RASEF: variants seen among roughly 807,000 people sequenced by gnomAD.
RASEF encodes the protein ras and EF-hand domain-containing protein.
A neutral mutation model predicts 90.1 loss-of-function variants in RASEF; 68 were observed. That is an observed-to-expected ratio of 0.75 (90% confidence interval 0.62 to 0.92). RASEF has a LOEUF of 0.92. Among genes scored for constraint, RASEF ranks in the 40% least tolerant of loss-of-function variants. The pLI is 0.00. For missense variants in RASEF, 949 were observed against 937.2 expected, an observed-to-expected ratio of 1.01 and a Z score of -0.16; for synonymous variants, 331 against 345.2, an observed-to-expected ratio of 0.96 and a Z score of 0.46.
chr9:83,192,752 AG>A, the RASEF span, among the ~76,000 whole-genome samples: 2 of 149,220 alleles, frequency 1.3e-5, no homozygotes, highest in Admixed American at 6.6e-5. Flanking sequence ...TACCTTCACC[AG>A]AAAAAAAAAA....
chr9:83,044,672 C>T lies in RASEF; in HGVS notation c.431+17765G>A, dbSNP rs1029449970. 9.9e-5 allele frequency among the ~76,000 whole-genome samples: 15 copies of T among 152,252 alleles called. 1 individual carries two copies. The highest frequency in any genetic ancestry group is 5.8e-4 in the East Asian group (3 of 5,180). On this transcript the variant is annotated intron_variant, in intron 1 of 16. Coordinates refer to ENST00000376447, the MANE Select transcript of RASEF (RefSeq NM_152573.4). Reference sequence around the variant, plus strand: ...CTTACAAGCTAGAAGCATTCAAAAACGCTCTGTGATCTCAAAACTGAGAAT... The same window carrying T: ...CTTACAAGCTAGAAGCATTCAAAAATGCTCTGTGATCTCAAAACTGAGAAT...
Position 82,982,480 on chromosome 9 carries a change from G to T in RASEF, c.*197C>A. The stretch of plus-strand genomic sequence containing the variant: ...CATGACTAGTCTATTTAGCCAGAGG[G>T]CCCAAATCACTCACTGAGACAAAAC... On this transcript the variant is annotated 3_prime_UTR_variant, in exon 17 of 17. Coordinates refer to ENST00000376447, the MANE Select transcript of RASEF (RefSeq NM_152573.4). The T allele has an allele frequency of 2.0e-6, 1 of 505,338 alleles. No homozygotes were observed. The highest frequency in any genetic ancestry group is 2.5e-5 in the South Asian group (1 of 39,776). 31.3% of individuals were successfully genotyped at this position (505,338 alleles called of 1,614,324 possible). A position where few individuals can be genotyped will look rare whatever the true frequency, so the allele number is the denominator to read the frequency against.
the RASEF span, among the ~76,000 whole-genome samples, chr9:83,139,414 C>A: frequency 6.6e-6 from 1 of 152,114 alleles, no homozygotes; most frequent in South Asian, 2.1e-4. Context: ...TGAGCAGAAG[C>A]CTTACTGATA....
At chr9:83,153,373 A>G in the RASEF span, among the ~76,000 whole-genome samples, 1 of 152,192 alleles carries the variant, frequency 6.6e-6, no homozygotes, top group South Asian at 2.1e-4. Flanking sequence ...GTTACTGCTT[A>G]TATGAAATTT....
chr9:82,989,209 T>C (rs915410519), intron 16 of RASEF, among the ~76,000 whole-genome samples: 1 of 146,912 alleles, frequency 6.8e-6, no homozygotes, highest in African/African-American at 2.5e-5. Context: ...TATATATGTA[T>C]ATGTATGTGT....
chr9:83,017,405 C>A (rs2118536107), intron 3 of RASEF, among the ~76,000 whole-genome samples: 1 of 151,224 alleles, frequency 6.6e-6, no homozygotes, highest in Admixed American at 6.6e-5. Flanking sequence ...GAGGCTGAGG[C>A]AGGAGAATGG....
chr9:83,076,690 G>A, the RASEF span, among the ~76,000 whole-genome samples: 3 of 152,276 alleles, frequency 2.0e-5, no homozygotes, highest in Non-Finnish European at 4.4e-5. Context: ...AAGGCCCAGA[G>A]TGCCCTATAG....
chr9:82,999,524 G>A (rs934705680), intron 12 of RASEF, among the ~76,000 whole-genome samples: 1 of 151,976 alleles, frequency 6.6e-6, no homozygotes, highest in African/African-American at 2.4e-5. Flanking sequence ...GTGGGACTCA[G>A]GAAATACATG....
chr9:83,211,483 C>G, the RASEF span, among the ~76,000 whole-genome samples: 11 of 152,156 alleles, frequency 7.2e-5, no homozygotes, highest in East Asian at 2.1e-3. Flanking sequence ...AGTCAAAGAA[C>G]GAGAAGACTC....
chr9:83,148,005 G>T, the RASEF span, among the ~76,000 whole-genome samples: 7 of 151,990 alleles, frequency 4.6e-5, no homozygotes, highest in East Asian at 1.4e-3. Flanking sequence ...GGTTTGAGGT[G>T]TATGTGGGTA....
chr9:83,172,666 A>T, the RASEF span, among the ~76,000 whole-genome samples: 3 of 151,850 alleles, frequency 2.0e-5, no homozygotes, highest in Middle Eastern at 3.2e-3. Context: ...CACTAACTTC[A>T]TTCCCCCATT....
the RASEF span, among the ~76,000 whole-genome samples, chr9:83,121,080 A>C: frequency 6.6e-6 from 1 of 152,190 alleles, no homozygotes; most frequent in Non-Finnish European, 1.5e-5. Flanking sequence ...TTTCTATTTT[A>C]ATTATATAAT....
the RASEF span, among the ~76,000 whole-genome samples, chr9:83,082,381 T>C: frequency 1.3e-5 from 2 of 152,230 alleles, no homozygotes; most frequent in Non-Finnish European, 2.9e-5. Context: ...CAACGCTTGA[T>C]TAGCCCTACA....
Position 83,062,505 on chromosome 9 carries a change from C to T in RASEF, c.363G>A (p.Pro121=), listed in dbSNP as rs768403663. 19 of 1,611,078 alleles carry T rather than the reference C, an allele frequency of 1.2e-5. No homozygotes were observed. Among genetic ancestry groups the T allele is most frequent in the South Asian group, 2.2e-5 (2 of 90,900 alleles). The change falls in exon 1 of 17, where the codon CCG becomes CCA. Residue 121 remains proline (P), a synonymous_variant. Transcript: ENST00000376447. Reference sequence around the variant, plus strand: ...CCTGCCAAGCCCGGCCGGGACTCGCCGGGCCGCACGAGGTGGCCAGCGCCG... The same window carrying T: ...CCTGCCAAGCCCGGCCGGGACTCGCTGGGCCGCACGAGGTGGCCAGCGCCG... The part of the protein sequence containing the change: ...AAAALATSCG[P]ASPGRAWQDF...
chr9:83,130,017 C>A, the RASEF span, among the ~76,000 whole-genome samples: 1 of 152,122 alleles, frequency 6.6e-6, no homozygotes, highest in Non-Finnish European at 1.5e-5. Context: ...TTAATGTCAC[C>A]AAATGCCTTG....
chr9:83,048,748 T>G, intron 1 of RASEF: 2 of 984,370 alleles, frequency 2.0e-6, no homozygotes, highest in Non-Finnish European at 2.4e-6. Flanking sequence ...AATGAAACAC[T>G]TATGTTTTCC....
the RASEF span, among the ~76,000 whole-genome samples, chr9:83,076,019 T>C: frequency 6.6e-6 from 1 of 151,864 alleles, no homozygotes; most frequent in Admixed American, 6.6e-5. Flanking sequence ...AATACAAAAA[T>C]TACCTGGGCG....
Position 82,982,694 on chromosome 9 carries a change from T to C in RASEF, c.2206A>G (p.Asn736Asp). Residue 736 changes from asparagine to aspartate, a missense_variant, in exon 17 of 17, where the codon AAT becomes GAT. Transcript: ENST00000376447. ...TNSKKSPQMK[N>D]CCNG is the part of the protein sequence containing the mutation. Reference sequence around the variant, plus strand: ...TTTGGGATTTAGCCATTGCAACAATTCTTCATCTGTGGTGACTTTTTGGAA... The same window carrying C: ...TTTGGGATTTAGCCATTGCAACAATCCTTCATCTGTGGTGACTTTTTGGAA... The C allele has an allele frequency of 6.3e-7, 1 of 1,591,766 alleles. No individual in the cohort carries two copies. Among genetic ancestry groups the C allele is most frequent in the East Asian group, 2.2e-5 (1 of 44,712 alleles).
chr9:83,093,461 C>G, the RASEF span, among the ~76,000 whole-genome samples: 1 of 152,236 alleles, frequency 6.6e-6, no homozygotes, highest in Non-Finnish European at 1.5e-5. Flanking sequence ...CAGCTAAGGC[C>G]TGGTGAGAAA....
Sources: gnomAD v4.1 joint callset for allele counts (sites outside exome capture counted in the v4.1 genomes callset) on GRCh38, gnomAD v4.1.1 for gene constraint, MANE v1.5 for transcripts, NCBI Gene and HGNC (gene_info 2026-07-23, HGNC 2026-07-21) for gene names.